The following SEC61G variants were observed in gnomAD, a reference collection of about 807,000 sequenced individuals.
SEC61G encodes the protein protein transport protein Sec61 subunit gamma.
Under a neutral mutation model 7.5 loss-of-function variants are expected in SEC61G, and 4 were observed. The observed-to-expected ratio is 0.54, with a 90% CI of 0.26 to 1.22. The LOEUF (loss-of-function observed/expected upper bound fraction) is 1.22. Ranked by LOEUF, SEC61G falls within the 50% of genes most tolerant of loss-of-function variation. The pLI is 0.12. For synonymous variants in SEC61G, 24 were observed against 24.4 expected, an observed-to-expected ratio of 0.98 and a Z score of 0.05; for missense variants, 53 against 84.6, an observed-to-expected ratio of 0.63 and a Z score of 1.46.
intron 2 of SEC61G, among the ~76,000 whole-genome samples, 181 bp downstream of exon 2, chr7:54,757,314 T>C (rs2116348796): frequency 6.6e-6 from 1 of 152,192 alleles, no homozygotes; most frequent in Admixed American, 6.5e-5. Flanking sequence ...TGAAAATACA[T>C]AAAAATTTAG....
At chr7:54,753,289 T>A (rs1362360046) in intron 3 of SEC61G, among the ~76,000 whole-genome samples, 4 of 152,006 alleles carry the variant, frequency 2.6e-5, no homozygotes, top group African/African-American at 9.6e-5. Context: ...CAAGACTCCA[T>A]CTCAAAAAAA....
chr7:54,755,840 T>C lies in SEC61G; in HGVS notation c.136A>G (p.Ile46Val). The C allele has an allele frequency of 6.3e-7, 1 of 1,594,346 alleles. No homozygotes were observed. The highest frequency in any genetic ancestry group is 1.3e-5 in the African/African-American group (1 of 74,432). Residue 46 changes from isoleucine to valine, a missense_variant, in exon 3 of 4, where the codon ATA (isoleucine) becomes GTA (valine). By Grantham distance (29) the Ile-to-Val change is conservative. Transcript: ENST00000352861. ...IAMATAIGFA[I>V]MGFIGFFVKL... ...ACAAAGAAGCCAATGAATCCCATTA[T>C]AGCAAATCCTATTGCTGTTGCCATG...
At chr7:54,757,416 T>C (rs1791541369) in intron 2 of SEC61G, 79 bp downstream of exon 2, 1 of 1,094,704 alleles carries the variant, frequency 9.1e-7, no homozygotes, top group Non-Finnish European at 1.4e-6. Context: ...ATGCAAGGGC[T>C]ATTAATCAAG....
chr7:54,755,614 T>A (rs1791497603), intron 3 of SEC61G, 165 bp downstream of exon 3: 1 of 422,900 alleles, frequency 2.4e-6, no homozygotes, highest in South Asian at 6.9e-5. Flanking sequence ...ACAGATCATG[T>A]AAGATCTAAA....
chr7:54,754,704 T>C (rs986468767), intron 3 of SEC61G: 3 of 151,868 alleles, frequency 2.0e-5, no homozygotes, highest in African/African-American at 7.3e-5. Flanking sequence ...ATTTATAGTT[T>C]AGAAATTTTT....
Position 54,755,768 on chromosome 7 carries a change from A to G in SEC61G, c.197+11T>C. Reference sequence around the variant, plus strand: ...CATTCAATCCTAGTCTATTTCATAAAGTTTACTTACACAATGATGTTATTA... The same window carrying G: ...CATTCAATCCTAGTCTATTTCATAAGGTTTACTTACACAATGATGTTATTA... On this transcript the variant is annotated intron_variant, in intron 3 of 3. Transcript: ENST00000352861. 7.1e-7 allele frequency: 1 copy of G among 1,412,030 alleles called. No homozygotes were observed. Among genetic ancestry groups the G allele is most frequent in the South Asian group, 1.3e-5 (1 of 76,596 alleles). The allele number at this position is 1,412,030 out of a possible 1,614,324, so 87.5% of individuals were successfully genotyped here. A position where few individuals can be genotyped will look rare whatever the true frequency, so the allele number is the denominator to read the frequency against.
intron 1 of SEC61G, 106 bp downstream of exon 1, chr7:54,759,052 C>A (rs1037111566): frequency 4.9e-6 from 2 of 404,892 alleles, no homozygotes; most frequent in Non-Finnish European, 1.0e-5. Context: ...CGCCCCGCGA[C>A]GGCCGCCCGG....
At chr7:54,759,027 G>T (rs930529023) in intron 1 of SEC61G, 131 bp downstream of exon 1, 9 of 379,082 alleles carry the variant, frequency 2.4e-5, no homozygotes, top group Non-Finnish European at 4.3e-5. Context: ...CTGAGCCAGG[G>T]GACCACTTAC....
chr7:54,755,162 C>T (rs1334777190), intron 3 of SEC61G: 3 of 152,130 alleles, frequency 2.0e-5, no homozygotes, highest in Non-Finnish European at 4.4e-5. Context: ...TTTTTTGCCT[C>T]CTAACATACT....
chr7:54,757,457 C>T, intron 2 of SEC61G, 38 bp downstream of exon 2: 1 of 1,533,286 alleles, frequency 6.5e-7, no homozygotes, highest in Non-Finnish European at 9.0e-7. Flanking sequence ...TTAGAAAATG[C>T]AAAGATTTAA....
intron 1 of SEC61G, among the ~76,000 whole-genome samples, chr7:54,757,896 C>T (rs147756562): frequency 1.2e-4 from 19 of 152,304 alleles, no homozygotes; most frequent in African/African-American, 4.3e-4. Context: ...AAAAAGGTTA[C>T]GCAATTGGTA....
chr7:54,753,006 T>C (rs1431800723), intron 3 of SEC61G, among the ~76,000 whole-genome samples: 4 of 152,156 alleles, frequency 2.6e-5, no homozygotes, highest in Non-Finnish European at 5.9e-5. Flanking sequence ...TTATATAAAA[T>C]AGGCCAGGCA....
intron 3 of SEC61G, chr7:54,755,232 T>A (rs1791483824): frequency 6.6e-6 from 1 of 152,230 alleles, no homozygotes. Context: ...AACTTTCACT[T>A]GTATTCTTAC....
intron 2 of SEC61G, 42 bp from the exon 3 acceptor site, chr7:54,755,923 C>G (rs1186966174): frequency 3.2e-6 from 4 of 1,236,288 alleles, no homozygotes; most frequent in Non-Finnish European, 4.6e-6. Context: ...TTTGCACTGT[C>G]ACTGAAAGTA....
intron 3 of SEC61G, chr7:54,754,879 T>C (rs1212143172): frequency 6.6e-6 from 1 of 152,172 alleles, no homozygotes; most frequent in Non-Finnish European, 1.5e-5. Flanking sequence ...CTAACACTTA[T>C]TCAGTGCTTT....
intron 3 of SEC61G, chr7:54,755,051 C>T (rs552947987): frequency 1.3e-5 from 2 of 152,282 alleles, no homozygotes; most frequent in East Asian, 3.9e-4. Flanking sequence ...TACCTAATTG[C>T]TCTAATTGCT....
chr7:54,756,243 A>C (rs960814462), intron 2 of SEC61G, among the ~76,000 whole-genome samples: 1 of 151,286 alleles, frequency 6.6e-6, no homozygotes, highest in African/African-American at 2.5e-5. Context: ...AAAATGTAAC[A>C]TTGTAATTTT....
At chr7:54,753,032 G>C (rs1791443919) in intron 3 of SEC61G, among the ~76,000 whole-genome samples, 1 of 152,172 alleles carries the variant, frequency 6.6e-6, no homozygotes, top group East Asian at 1.9e-4. Context: ...GCTCTCACCT[G>C]TAATCTCAGC....
At chr7:54,758,785 G>A (rs2709288) in intron 1 of SEC61G, among the ~76,000 whole-genome samples, 8,033 of 152,252 alleles carry the variant, frequency 0.053, 250 homozygotes, top group Middle Eastern at 0.12. Flanking sequence ...GGCAGGACCA[G>A]AGCTGAGTAC....
Sources: allele counts gnomAD v4.1 joint callset (sites outside exome capture counted in the v4.1 genomes callset), GRCh38; gene constraint gnomAD v4.1.1; transcripts MANE v1.5; gene names NCBI Gene and HGNC (gene_info 2026-07-23, HGNC 2026-07-21).